The following CALN1 variants were observed in gnomAD, a reference collection of about 807,000 sequenced individuals.
The protein encoded by CALN1 is calneuron 1, also known as calcium-binding protein 8.
CALN1 carries 17 observed loss-of-function variants against 30.6 expected under a neutral mutation model. The ratio of observed to expected loss-of-function variants is 0.56; its 90% confidence interval spans 0.38 to 0.83. CALN1 has a LOEUF of 0.83. CALN1 is among the 40% of genes least tolerant of loss of function. CALN1 has a pLI of 0.00. For missense variants in CALN1, 291 were observed against 354.9 expected (o/e 0.82, Z 1.45); for synonymous variants, 156 against 131.4 (o/e 1.19, Z -1.28).
intron 2 of CALN1, among the ~76,000 whole-genome samples, chr7:72,329,923 C>T (rs1247034312): frequency 6.6e-6 from 1 of 152,048 alleles, no homozygotes; most frequent in African/African-American, 2.4e-5. Context: ...CACTGCATTC[C>T]AGCCTGGGCA....
intron 4 of CALN1, among the ~76,000 whole-genome samples, chr7:72,054,868 A>G (rs1029532756): frequency 1.3e-5 from 2 of 152,084 alleles, no homozygotes; most frequent in African/African-American, 2.4e-5. Context: ...TTTCCCTATT[A>G]TAACAAACCT....
chr7:72,280,998 G>A (rs758228150), intron 2 of CALN1, among the ~76,000 whole-genome samples: 1 of 151,990 alleles, frequency 6.6e-6, no homozygotes, highest in Non-Finnish European at 1.5e-5. Context: ...CAAAAAATTA[G>A]CTGGACATGG....
intron 5 of CALN1, among the ~76,000 whole-genome samples, chr7:71,961,196 T>C (rs1797231745): frequency 6.6e-6 from 1 of 152,236 alleles, no homozygotes. Context: ...CTATAATACA[T>C]AAGGTATCTG....
chr7:71,928,950 TCTC>T (rs1170534665), intron 5 of CALN1, among the ~76,000 whole-genome samples: 1 of 151,060 alleles, frequency 6.6e-6, no homozygotes, highest in Non-Finnish European at 1.5e-5. Flanking sequence ...CCCCTGCTGC[TCTC>T]CTACCAGGGA....
At chr7:72,099,936 T>G (rs903774694) in intron 4 of CALN1, among the ~76,000 whole-genome samples, 12 of 152,116 alleles carry the variant, frequency 7.9e-5, no homozygotes, top group African/African-American at 2.9e-4. Flanking sequence ...CTGGTGAAAC[T>G]TGTAGTCTCT....
chr7:71,856,538 T>C (rs2116628311), intron 5 of CALN1, among the ~76,000 whole-genome samples: 1 of 152,308 alleles, frequency 6.6e-6, no homozygotes, highest in South Asian at 2.1e-4. Flanking sequence ...TATGAACATA[T>C]ACATCTAGAT....
intron 5 of CALN1, among the ~76,000 whole-genome samples, chr7:71,880,982 G>C (rs1792528577): frequency 6.6e-6 from 1 of 152,202 alleles, no homozygotes; most frequent in Non-Finnish European, 1.5e-5. Context: ...GGGAGAGGCA[G>C]ATCCACCCTC....
chr7:72,437,055 C>G (rs1808182225), intron 1 of CALN1, among the ~76,000 whole-genome samples: 1 of 150,188 alleles, frequency 6.7e-6, no homozygotes, highest in African/African-American at 2.5e-5. Context: ...AGCCTGGTGA[C>G]CAGATGAGAC....
At chr7:71,990,367 C>T (rs937638659) in intron 5 of CALN1, among the ~76,000 whole-genome samples, 20 of 152,132 alleles carry the variant, frequency 1.3e-4, no homozygotes, top group South Asian at 1.2e-3. Context: ...ATAATCCATC[C>T]GTCGTTTAGC....
intron 3 of CALN1, among the ~76,000 whole-genome samples, chr7:72,252,594 G>A (rs1585271265): frequency 7.3e-6 from 1 of 137,182 alleles, no homozygotes; most frequent in South Asian, 2.5e-4. Flanking sequence ...GAATGACAGA[G>A]CAAGACCCTG....
At chr7:72,414,706 A>AC (rs1405413335), upstream of CALN1, among the ~76,000 whole-genome samples, 1 of 152,026 alleles carries the variant, frequency 6.6e-6, no homozygotes, top group African/African-American at 2.4e-5. Flanking sequence ...TGAGCTCTGT[A>AC]CCCCTCTCTG....
At chr7:72,177,951 CA>C (rs767869477) in intron 3 of CALN1, among the ~76,000 whole-genome samples, 4 of 152,048 alleles carry the variant, frequency 2.6e-5, no homozygotes, top group Non-Finnish European at 4.4e-5. Flanking sequence ...CACTCTGGTC[CA>C]ACCACCTTGC....
chr7:72,398,446 C>T (rs1806119079), intron 2 of CALN1, among the ~76,000 whole-genome samples: 3 of 152,220 alleles, frequency 2.0e-5, no homozygotes, highest in Admixed American at 1.3e-4. Flanking sequence ...TTGTTTGGAA[C>T]ATGAGTTATT....
Position 71,899,499 on chromosome 7 carries a change from T to C in CALN1, c.502-89007A>G, listed in dbSNP as rs540621763. The stretch of plus-strand genomic sequence containing the variant: ...TAACAAGAAATTTATGGGATGCTTA[T>C]GAAAAACAGTAAGCATCACCACTGA... On this transcript the variant is annotated intron_variant, in intron 5 of 6. Transcript: ENST00000395275. Among the ~76,000 whole-genome samples the C allele has an allele frequency of 7.0e-3, 1,059 of 152,130 alleles. 6 individuals are homozygous for C. The highest frequency in any genetic ancestry group is 0.012 in the Non-Finnish European group (811 of 68,002).
In CALN1 at chr7:72,123,943, TC is replaced by T. The variant is rs144627437; in HGVS notation, c.245-17650del. On this transcript the variant is annotated intron_variant, in intron 3 of 6. Transcript: ENST00000395275. ...TCCAGCTTGAAAAATAAATCTGAAA[TC>T]AGCTGAGGCAGAATGACCTCATCCC... Among the ~76,000 whole-genome samples, 1,495 of 152,174 alleles carry T rather than the reference TC, an allele frequency of 9.8e-3. 24 individuals are homozygous for T. The highest frequency in any genetic ancestry group is 0.034 in the African/African-American group (1,417 of 41,514).
chr7:71,828,057 A>G (rs926506366), intron 5 of CALN1, among the ~76,000 whole-genome samples: 1 of 152,122 alleles, frequency 6.6e-6, no homozygotes, highest in East Asian at 1.9e-4. Flanking sequence ...TAAAATGGAG[A>G]TAATCACCAT....
intron 2 of CALN1, among the ~76,000 whole-genome samples, chr7:72,347,679 A>G (rs951720657): frequency 6.6e-6 from 1 of 152,212 alleles, no homozygotes; most frequent in Non-Finnish European, 1.5e-5. Context: ...AAGCTAGTAC[A>G]ACTTACAATC....
intron 5 of CALN1, among the ~76,000 whole-genome samples, chr7:71,974,814 C>T (rs972292754): frequency 2.6e-5 from 4 of 152,320 alleles, no homozygotes; most frequent in Admixed American, 1.3e-4. Flanking sequence ...ACCTGGCCTA[C>T]GGCTCTGTAG....
chr7:72,065,670 T>A (rs186159661), intron 4 of CALN1, among the ~76,000 whole-genome samples: 170 of 152,230 alleles, frequency 1.1e-3, no homozygotes, highest in African/African-American at 3.9e-3. Context: ...ACGCTTCATC[T>A]GTGTGGAAGT....
Sources: allele counts gnomAD v4.1 joint callset (sites outside exome capture counted in the v4.1 genomes callset), GRCh38; gene constraint gnomAD v4.1.1; transcripts MANE v1.5; gene names NCBI Gene and HGNC (gene_info 2026-07-23, HGNC 2026-07-21).